HACD4: variants seen among roughly 807,000 people sequenced by gnomAD.
The protein encoded by HACD4 is 3-hydroxyacyl-CoA dehydratase 4.
In HACD4, 35 loss-of-function variants were observed where a neutral mutation model predicts 33.3. The observed-to-expected ratio is 1.05, with a 90% confidence interval of 0.80 to 1.39. HACD4 has a LOEUF of 1.39. HACD4 is among the 40% of genes most tolerant of loss of function. The probability of loss-of-function intolerance (pLI) is 0.00; values close to 1 mark genes in which losing one functional copy is unlikely to be tolerated. For synonymous variants in HACD4, 118 were observed against 98.0 expected (o/e 1.20, Z -1.21); for missense variants, 323 against 276.5 (o/e 1.17, Z -1.19).
intron 3 of HACD4, among the ~76,000 whole-genome samples, chr9:21,019,536 C>T (rs1817848253): frequency 6.6e-6 from 1 of 151,986 alleles, no homozygotes; most frequent in African/African-American, 2.4e-5. Flanking sequence ...TTTAAATATA[C>T]TTTAATGTAG....
At chr9:21,019,750 A>C (rs1268475474) in intron 3 of HACD4, among the ~76,000 whole-genome samples, 1 of 152,100 alleles carries the variant, frequency 6.6e-6, no homozygotes, top group African/African-American at 2.4e-5. Flanking sequence ...AGGAGGCTTC[A>C]AAATTTGGAG....
In HACD4 at chr9:21,029,396, T is replaced by C. The variant is rs757775539; in HGVS notation, c.41A>G (p.Tyr14Cys). 2 of 1,521,914 alleles carry C rather than the reference T, an allele frequency of 1.3e-6. No homozygotes were observed. The highest frequency in any genetic ancestry group is 2.3e-5 in the East Asian group (1 of 44,152). The allele number at this position is 1,521,914 out of a possible 1,614,324, so 94.3% of individuals were successfully genotyped here. ...LALPAWLQPR[Y>C]RKNAYLFIYY... is the part of the protein sequence containing the mutation. ...GATGAAAAGATACGCATTCTTCCTA[T>C]ACCTATAAATACAGGAAAATACCAT... Residue 14 changes from tyrosine to cysteine, a missense_variant and splice_region_variant, in exon 2 of 7, where the codon TAT becomes TGT. By Grantham distance (194) the Tyr-to-Cys change is radical (BLOSUM62 -2). Coordinates refer to ENST00000495827, the MANE Select transcript of HACD4 (RefSeq NM_001010915.5).
chr9:21,022,491 A>T (rs1817943144), intron 3 of HACD4, among the ~76,000 whole-genome samples: 1 of 152,252 alleles, frequency 6.6e-6, no homozygotes, highest in Non-Finnish European at 1.5e-5. Context: ...ACAAAGGGTT[A>T]ATATCCAGAA....
chr9:21,001,232 A>G lies in HACD4; in HGVS notation c.*5805T>C, dbSNP rs540520003. ...ATGGATGAACAAAATGGTAATATCA[A>G]TATAGAGAAAATCTAAGACGATACA... On this transcript the variant is annotated 3_prime_UTR_variant, in exon 7 of 7. Transcript: ENST00000495827. 1.6e-4 allele frequency: 24 copies of G among 152,216 alleles called. No individual in the cohort carries two copies. The highest frequency in any genetic ancestry group is 5.3e-4 in the African/African-American group (22 of 41,568). The allele number at this position is 152,216 out of a possible 1,614,324, so 9.4% of individuals were successfully genotyped here. A position where few individuals can be genotyped will look rare whatever the true frequency, so the allele number is the denominator to read the frequency against.
In HACD4 at chr9:20,999,629, C is replaced by T. The variant is rs577067717; in HGVS notation, c.*7408G>A. ...AAAGAAAAAAACAAAACTTATGTGT[C>T]TTCTAAATATAAGGAACGCTTTGAG... On this transcript the variant is annotated 3_prime_UTR_variant, in exon 7 of 7. Coordinates refer to ENST00000495827, the MANE Select transcript of HACD4 (RefSeq NM_001010915.5). The T allele has an allele frequency of 4.9e-4, 74 of 150,846 alleles. No individual in the cohort carries two copies. Among genetic ancestry groups the T allele is most frequent in the Non-Finnish European group, 8.9e-4 (60 of 67,696 alleles). The allele number at this position is 150,846 out of a possible 1,614,324, so 9.3% of individuals were successfully genotyped here. A position where few individuals can be genotyped will look rare whatever the true frequency, so the allele number is the denominator to read the frequency against.
chr9:21,023,014 T>C (rs1235361616), intron 3 of HACD4, among the ~76,000 whole-genome samples: 1 of 152,126 alleles, frequency 6.6e-6, no homozygotes, highest in Non-Finnish European at 1.5e-5. Flanking sequence ...GTGGCACATA[T>C]ACACCACCGA....
chr9:21,016,660 G>A (rs1459363699), intron 3 of HACD4, among the ~76,000 whole-genome samples: 1 of 152,092 alleles, frequency 6.6e-6, no homozygotes, highest in African/African-American at 2.4e-5. Context: ...GGGGCTAGAG[G>A]GGAGGGTGCA....
At chr9:21,024,006 C>T (rs1354043990) in intron 3 of HACD4, among the ~76,000 whole-genome samples, 1 of 152,172 alleles carries the variant, frequency 6.6e-6, no homozygotes, top group Admixed American at 6.5e-5. Context: ...AACAGGAAAA[C>T]CAAGAATGAT....
intron 3 of HACD4, among the ~76,000 whole-genome samples, chr9:21,023,023 G>A (rs1422120369): frequency 1.8e-4 from 27 of 152,210 alleles, no homozygotes; most frequent in South Asian, 4.2e-4. Context: ...ATACACCACC[G>A]AATACTATGC....
rs1842268618 is a variant in HACD4, at chr9:21,006,356, G to C, written c.*681C>G. 6.5e-6 allele frequency: 1 copy of C among 152,696 alleles called. No homozygotes were observed. The highest frequency in any genetic ancestry group is 1.5e-5 in the Non-Finnish European group (1 of 68,508). The allele number at this position is 152,696 out of a possible 1,614,324, so 9.5% of individuals were successfully genotyped here. ...GACATCTATCTGCAAACTGGGAAGA[G>C]GGCCCTCACCAGAAACTGCATTAGC... On this transcript the variant is annotated 3_prime_UTR_variant, in exon 7 of 7. Transcript: ENST00000495827. This position sits in a 1 kb window ranked among gnomAD's most constrained non-coding sequence, Gnocchi z 4.6.
Position 21,002,093 on chromosome 9 carries a change from G to A in HACD4, c.*4944C>T, listed in dbSNP as rs902548606. On this transcript the variant is annotated 3_prime_UTR_variant, in exon 7 of 7. Coordinates refer to ENST00000495827, the MANE Select transcript of HACD4 (RefSeq NM_001010915.5). ...GTATATAATTTTGTGAAACTTAAAG[G>A]AGTGATAGACAGAGATATAAAGAGC... The A allele has an allele frequency of 3.9e-5, 6 of 152,162 alleles. No homozygotes were observed. Among genetic ancestry groups the A allele is most frequent in the African/African-American group, 1.2e-4 (5 of 41,530 alleles). The allele number at this position is 152,162 out of a possible 1,614,324, so 9.4% of individuals were successfully genotyped here.
chr9:21,018,581 T>A (rs1008241577), intron 3 of HACD4, among the ~76,000 whole-genome samples: 1 of 152,214 alleles, frequency 6.6e-6, no homozygotes, highest in South Asian at 2.1e-4. Context: ...TTCTCTAATA[T>A]GACCATTTGA....
chr9:21,021,867 T>A (rs888804668), intron 3 of HACD4, among the ~76,000 whole-genome samples: 1 of 152,076 alleles, frequency 6.6e-6, no homozygotes, highest in Non-Finnish European at 1.5e-5. Context: ...TTCACGGAAC[T>A]GGAAAAAACT....
At chr9:21,031,523 C>G in intron 1 of HACD4, 30 bp downstream of exon 1, 3 of 1,458,760 alleles carry the variant, frequency 2.1e-6, no homozygotes, top group Non-Finnish European at 2.7e-6. Flanking sequence ...CCCGCGCCCC[C>G]TCCCCTCGGG....
chr9:21,007,006 C>T lies in HACD4; in HGVS notation c.*31G>A. On this transcript the variant is annotated 3_prime_UTR_variant, in exon 7 of 7. Transcript: ENST00000495827. ...TTACTGCACTGAATCCACAGCCTGTCTTTTCTCGTGTCACACTGGAATGCT... is the reference window on the plus strand; with the variant it reads ...TTACTGCACTGAATCCACAGCCTGTTTTTTCTCGTGTCACACTGGAATGCT... 8.1e-7 allele frequency: 1 copy of T among 1,239,270 alleles called. No homozygotes were observed. Among genetic ancestry groups the T allele is most frequent in the Non-Finnish European group, 1.2e-6 (1 of 838,662 alleles). 76.8% of individuals were successfully genotyped at this position (1,239,270 alleles called of 1,614,324 possible).
chr9:21,007,954 G>A, intron 6 of HACD4, 67 bp downstream of exon 6: 1 of 1,444,882 alleles, frequency 6.9e-7, no homozygotes. Context: ...GTATATTAAG[G>A]TAGACGGCAA....
intron 5 of HACD4, among the ~76,000 whole-genome samples, chr9:21,009,466 C>T (rs369406228): frequency 2.6e-5 from 4 of 152,232 alleles, no homozygotes; most frequent in African/African-American, 7.2e-5. Context: ...GTTTCCTATA[C>T]ATTTATCCAC....
chr9:21,008,730 A>T (rs1031107465), intron 5 of HACD4, among the ~76,000 whole-genome samples: 2 of 152,080 alleles, frequency 1.3e-5, no homozygotes, highest in African/African-American at 4.8e-5. Flanking sequence ...AAAAAGATTA[A>T]AGTTCAGTAA....
intron 3 of HACD4, among the ~76,000 whole-genome samples, chr9:21,026,380 G>A (rs1818060659): frequency 6.6e-6 from 1 of 152,214 alleles, no homozygotes; most frequent in South Asian, 2.1e-4. Flanking sequence ...ATGCAGTGCT[G>A]CAAGATCAGC....
Sources: allele counts gnomAD v4.1 joint callset (sites outside exome capture counted in the v4.1 genomes callset), GRCh38; gene constraint gnomAD v4.1.1; non-coding constraint Gnocchi (gnomAD v3.1); transcripts MANE v1.5; gene names NCBI Gene and HGNC (gene_info 2026-07-23, HGNC 2026-07-21).